The following USP12 variants were observed in gnomAD, a reference collection of about 807,000 sequenced individuals.
USP12 encodes the protein ubiquitin carboxyl-terminal hydrolase 12.
In USP12, 19 loss-of-function variants were observed where a neutral mutation model predicts 45.5. The observed-to-expected ratio is 0.42, with a 90% CI of 0.29 to 0.61. The LOEUF (loss-of-function observed/expected upper bound fraction) is 0.61. Ranked by LOEUF, USP12 falls within the 20% of genes least tolerant of loss-of-function variation. The pLI, the probability that USP12 is intolerant of heterozygous loss-of-function variation, is 0.22. For missense variants in USP12, 242 were observed against 447.7 expected, an observed-to-expected ratio of 0.54 and a Z score of 4.15; for synonymous variants, 149 against 148.8, an observed-to-expected ratio of 1.00 and a Z score of -0.01.
intron 1 of USP12, among the ~76,000 whole-genome samples, chr13:27,143,805 G>C (rs1877179814): frequency 6.6e-6 from 1 of 152,170 alleles, no homozygotes; most frequent in Non-Finnish European, 1.5e-5. Flanking sequence ...CCACTTTATA[G>C]AAAATATAAC....
intron 6 of USP12, among the ~76,000 whole-genome samples, chr13:27,081,480 C>T (rs1309849125): frequency 6.6e-6 from 1 of 152,218 alleles, no homozygotes; most frequent in Non-Finnish European, 1.5e-5. Flanking sequence ...TCCACCACAT[C>T]TACAGTGACT....
Position 27,068,250 on chromosome 13 carries a change from A to C in USP12, c.*1033T>G, listed in dbSNP as rs889861517. On this transcript the variant is annotated 3_prime_UTR_variant, in exon 9 of 9. Coordinates refer to ENST00000282344, the MANE Select transcript of USP12 (RefSeq NM_182488.4). ...ACTTAAGAATTCTAAAGATTGGTAT[A>C]CCACCACTGCACCAGAATTTTTAAT... 1.3e-5 allele frequency: 2 copies of C among 152,644 alleles called. No individual in the cohort carries two copies. Among genetic ancestry groups the C allele is most frequent in the African/African-American group, 4.8e-5 (2 of 41,454 alleles). The allele number at this position is 152,644 out of a possible 1,614,324, so 9.5% of individuals were successfully genotyped here.
intron 8 of USP12, among the ~76,000 whole-genome samples, chr13:27,070,702 C>T (rs1431520540): frequency 2.6e-5 from 4 of 151,962 alleles, no homozygotes; most frequent in South Asian, 2.1e-4. Context: ...TACAGGCATG[C>T]GCCACCATGC....
rs576019378 is a variant in USP12 at position 27,137,840 on chromosome 13, CCT to C, written c.49-21246_49-21245del. ...CTCCATACTGCTAGCAGACTTGCTC[CCT>C]GACTCCCTCATTGGCTTGGAAGGAG... On this transcript the variant is annotated intron_variant, in intron 1 of 8. Transcript: ENST00000282344. 6.0e-4 allele frequency among the ~76,000 whole-genome samples: 92 copies of C among 152,328 alleles called. 1 individual carries two copies. The highest frequency in any genetic ancestry group is 5.4e-3 in the Admixed American group (83 of 15,310).
At chr13:27,150,753 T>C (rs923532338) in intron 1 of USP12, among the ~76,000 whole-genome samples, 7 of 152,194 alleles carry the variant, frequency 4.6e-5, no homozygotes, top group South Asian at 2.1e-4. Flanking sequence ...CAGAAACTCA[T>C]ACATCTCTGA....
chr13:27,140,209 A>C (rs2137819457), intron 1 of USP12, among the ~76,000 whole-genome samples: 1 of 152,310 alleles, frequency 6.6e-6, no homozygotes. Context: ...TGTCCCCTGA[A>C]AGCAAAGATG....
chr13:27,127,555 A>G (rs1212724761), intron 1 of USP12, among the ~76,000 whole-genome samples: 1 of 152,178 alleles, frequency 6.6e-6, no homozygotes, highest in African/African-American at 2.4e-5. Context: ...GAAACAATAT[A>G]ATTTTGCCGT....
Position 27,171,774 on chromosome 13 carries a change from G to T in USP12, c.-135C>A. The T allele has an allele frequency of 3.0e-6, 1 of 336,694 alleles. No individual in the cohort carries two copies. The highest frequency in any genetic ancestry group is 4.3e-6 in the Non-Finnish European group (1 of 233,916). The allele number at this position is 336,694 out of a possible 1,614,324, so 20.9% of individuals were successfully genotyped here. ...CGGACCCAACCACCGAGCCCGCTGG[G>T]CCGCCGCTGCCGTCGTCGCCGCCGG... On this transcript the variant is annotated 5_prime_UTR_variant, in exon 1 of 9. Coordinates refer to ENST00000282344, the MANE Select transcript of USP12 (RefSeq NM_182488.4).
chr13:27,091,474 T>C (rs770423974), intron 4 of USP12, among the ~76,000 whole-genome samples: 3 of 152,228 alleles, frequency 2.0e-5, no homozygotes, highest in African/African-American at 4.8e-5. Context: ...ATATTTGCGA[T>C]TGAGTTGGTG....
intron 6 of USP12, among the ~76,000 whole-genome samples, chr13:27,083,210 T>C (rs1267925647): frequency 1.3e-5 from 2 of 152,170 alleles, no homozygotes; most frequent in East Asian, 3.9e-4. Flanking sequence ...CGATAACTGA[T>C]CATGTATCAC....
intron 1 of USP12, among the ~76,000 whole-genome samples, chr13:27,170,853 C>T (rs1183796422): frequency 6.6e-6 from 1 of 152,250 alleles, no homozygotes; most frequent in African/African-American, 2.4e-5. Context: ...AGACTGCCAC[C>T]TGGACACACG....
intron 6 of USP12, among the ~76,000 whole-genome samples, chr13:27,083,029 T>C (rs1873836551): frequency 6.6e-6 from 1 of 152,164 alleles, no homozygotes; most frequent in South Asian, 2.1e-4. Context: ...GAGATGGGGT[T>C]TCACCATGTT....
intron 4 of USP12, among the ~76,000 whole-genome samples, chr13:27,093,979 A>C (rs1200926879): frequency 6.6e-6 from 1 of 152,218 alleles, no homozygotes. Flanking sequence ...GGAAAAGGCA[A>C]AACTATGGAG....
At chr13:27,090,036 A>G (rs778926543) in intron 5 of USP12, 46 bp downstream of exon 5, 1 of 1,572,692 alleles carries the variant, frequency 6.4e-7, no homozygotes, top group Non-Finnish European at 8.7e-7. Context: ...AATATTCCAG[A>G]CTAAAAATAA....
intron 3 of USP12, among the ~76,000 whole-genome samples, chr13:27,101,899 A>G (rs1012843201): frequency 2.6e-5 from 4 of 152,234 alleles, no homozygotes; most frequent in Non-Finnish European, 5.9e-5. Context: ...TCTCCACGGC[A>G]CATGAAACGC....
intron 1 of USP12, among the ~76,000 whole-genome samples, chr13:27,158,538 C>G (rs1164949614): frequency 6.6e-6 from 1 of 152,198 alleles, no homozygotes; most frequent in Non-Finnish European, 1.5e-5. Context: ...CCACTACACA[C>G]TTAGGCTATG....
In USP12 at chr13:27,140,850, A is replaced by G. The variant is rs572317838; in HGVS notation, c.49-24254T>C. On this transcript the variant is annotated intron_variant, in intron 1 of 8. Transcript: ENST00000282344. ...CAAGTCAGCTGACAATGATTCTCCA[A>G]CCAAAATGACACACTAAAATTAGAG... Among the ~76,000 whole-genome samples, 3 of 152,172 alleles carry G rather than the reference A, an allele frequency of 2.0e-5. 1 individual carries two copies. The highest frequency in any genetic ancestry group is 4.8e-5 in the African/African-American group (2 of 41,522).
chr13:27,080,499 G>C lies in USP12; in HGVS notation c.735-5111C>G, dbSNP rs138605148. Among the ~76,000 whole-genome samples, 524 of 152,284 alleles carry C rather than the reference G, an allele frequency of 3.4e-3. 2 individuals are homozygous for C. Among genetic ancestry groups the C allele is most frequent in the Non-Finnish European group, 6.3e-3 (430 of 68,020 alleles). On this transcript the variant is annotated intron_variant, in intron 6 of 8. Coordinates refer to ENST00000282344, the MANE Select transcript of USP12 (RefSeq NM_182488.4). The stretch of plus-strand genomic sequence containing the variant: ...ATGCTGAGTCACCTGGCCATGCATG[G>C]ATCTTCTTCAATACCTGGTAAGAAC...
At chr13:27,076,357 C>T (rs779650497) in intron 6 of USP12, among the ~76,000 whole-genome samples, 1 of 152,120 alleles carries the variant, frequency 6.6e-6, no homozygotes, top group Non-Finnish European at 1.5e-5. Flanking sequence ...CCTTTAAATG[C>T]CATTTCTCCC....
Sources: allele counts gnomAD v4.1 joint callset (sites outside exome capture counted in the v4.1 genomes callset), GRCh38; gene constraint gnomAD v4.1.1; transcripts MANE v1.5; gene names NCBI Gene and HGNC (gene_info 2026-07-23, HGNC 2026-07-21).